Variants in HNF4A observed in about 807,000 individuals in gnomAD.
HNF4A encodes hepatocyte nuclear factor 4-alpha.
HNF4A carries 15 observed loss-of-function variants against 52.4 expected under a neutral mutation model. The observed-to-expected ratio is 0.29, with a 90% CI of 0.19 to 0.44. The LOEUF is 0.44. Ranked by LOEUF, HNF4A falls within the 20% of genes least tolerant of loss-of-function variation. The probability of loss-of-function intolerance (pLI) is 1.00; values close to 1 mark genes in which losing one functional copy is unlikely to be tolerated. For synonymous variants in HNF4A, 280 were observed against 264.4 expected (o/e 1.06, Z -0.57); for missense variants, 479 against 647.2 (o/e 0.74, Z 2.82).
At chr20:44,402,567 T>C in intron 1 of HNF4A, 1 of 1,365,592 alleles carries the variant, frequency 7.3e-7, no homozygotes, top group Non-Finnish European at 9.8e-7. Flanking sequence ...TTGTTGCCGC[T>C]GCGTCTCGCC....
At chr20:44,384,684 AACATGGTC>A (rs1963979504) in intron 1 of HNF4A, 1 of 152,224 alleles carries the variant, frequency 6.6e-6, no homozygotes, top group African/African-American at 2.4e-5. Flanking sequence ...TGAAACAAGT[AACATGGTC>A]ACATCTCATT....
chr20:44,363,431 C>T (rs760395093), intron 1 of HNF4A, among the ~76,000 whole-genome samples: 2 of 152,062 alleles, frequency 1.3e-5, no homozygotes, highest in Non-Finnish European at 2.9e-5. Context: ...GATAACTGGT[C>T]CCAGGATGCA....
intron 3 of HNF4A, among the ~76,000 whole-genome samples, chr20:44,412,746 C>T (rs920755470): frequency 2.0e-5 from 3 of 152,032 alleles, no homozygotes; most frequent in Non-Finnish European, 2.9e-5. Flanking sequence ...GTCAGGATCA[C>T]GACAGCACTG....
intron 1 of HNF4A, among the ~76,000 whole-genome samples, chr20:44,376,761 T>G (rs1036836601): frequency 2.6e-5 from 4 of 152,220 alleles, no homozygotes; most frequent in African/African-American, 9.6e-5. Context: ...CGTGGCTATA[T>G]AAGCAAAGTA....
rs913235550 is a variant in HNF4A at position 44,431,110 on chromosome 20, T to A, written c.*1445T>A. Reference sequence around the variant, plus strand: ...GGTGAAGTGATTTTTTTTCTGAAACTCACACAACTAGGAAGTGGCTGAGTC... The same window carrying A: ...GGTGAAGTGATTTTTTTTCTGAAACACACACAACTAGGAAGTGGCTGAGTC... On this transcript the variant is annotated 3_prime_UTR_variant, in exon 10 of 10. Coordinates refer to ENST00000316099, the MANE Select transcript of HNF4A (RefSeq NM_000457.6). The A allele has an allele frequency of 7.0e-6, 1 of 143,044 alleles. No homozygotes were observed. Among genetic ancestry groups the A allele is most frequent in the Non-Finnish European group, 1.5e-5 (1 of 65,170 alleles). The allele number at this position is 143,044 out of a possible 1,614,324, so 8.9% of individuals were successfully genotyped here.
chr20:44,405,038 G>A (rs1272854560), intron 1 of HNF4A, among the ~76,000 whole-genome samples: 1 of 106,972 alleles, frequency 9.3e-6, no homozygotes, highest in Non-Finnish European at 1.9e-5. Context: ...TGGTGCGTGT[G>A]TGTGCTTGTG....
At chr20:44,408,871 C>T (rs2063541487) in intron 3 of HNF4A, among the ~76,000 whole-genome samples, 1 of 152,116 alleles carries the variant, frequency 6.6e-6, no homozygotes, top group Non-Finnish European at 1.5e-5. Context: ...TGGTCTAGTC[C>T]TGCTAGTTCG....
At chr20:44,368,160 ATT>A (rs1181828023) in intron 1 of HNF4A, among the ~76,000 whole-genome samples, 3 of 27,774 alleles carry the variant, frequency 1.1e-4, no homozygotes, top group African/African-American at 1.5e-4. Flanking sequence ...ATATATATAT[ATT>A]TTTTTTTTTT....
At chr20:44,389,332 A>C (rs2063273564) in intron 1 of HNF4A, among the ~76,000 whole-genome samples, 1 of 152,196 alleles carries the variant, frequency 6.6e-6, no homozygotes, top group African/African-American at 2.4e-5. Flanking sequence ...TCTGTGAGGG[A>C]GGGTGTAGGG....
Position 44,429,741 on chromosome 20 carries a change from G to A in HNF4A, c.*76G>A, listed in dbSNP as rs11574743. ...GAGCACCTGGTGATCACGTGGTCAC[G>A]GCAAAGGAAGACGTGATGCCAGGAC... On this transcript the variant is annotated 3_prime_UTR_variant, in exon 10 of 10. Coordinates refer to ENST00000316099, the MANE Select transcript of HNF4A (RefSeq NM_000457.6). 417 of 1,452,424 alleles carry A rather than the reference G, an allele frequency of 2.9e-4. 1 individual carries two copies. The African/African-American group carries it at 4.7e-3, about 17-fold the overall frequency. The allele number at this position is 1,452,424 out of a possible 1,614,324, so 90.0% of individuals were successfully genotyped here.
intron 1 of HNF4A, among the ~76,000 whole-genome samples, chr20:44,405,057 G>GTGTGGTGCGTGTGTGTGGAC (rs2063478940): frequency 1.4e-4 from 14 of 103,596 alleles, no homozygotes; most frequent in African/African-American, 4.3e-4. Flanking sequence ...TGTGTGGACT[G>GTGTGGTGCGTGTGTGTGGAC]TGTGGTGCGT....
chr20:44,368,160 A>ATATATATATTTTTT (rs1200638153), intron 1 of HNF4A, among the ~76,000 whole-genome samples: 4 of 27,778 alleles, frequency 1.4e-4, no homozygotes, highest in African/African-American at 2.9e-4. Flanking sequence ...ATATATATAT[A>ATATATATATTTTTT]TTTTTTTTTT....
chr20:44,428,894 C>G (rs1324777517), intron 9 of HNF4A, among the ~76,000 whole-genome samples: 1 of 152,190 alleles, frequency 6.6e-6, no homozygotes, highest in Non-Finnish European at 1.5e-5. Flanking sequence ...TCCTCTGAAA[C>G]CTCCAAAGTA....
chr20:44,371,317 G>A (rs746934831), intron 1 of HNF4A, among the ~76,000 whole-genome samples: 26 of 152,202 alleles, frequency 1.7e-4, no homozygotes, highest in Non-Finnish European at 3.1e-4. Flanking sequence ...CAATCTTGTC[G>A]CCGAGGCTGG....
chr20:44,371,955 T>C (rs1166747290), intron 1 of HNF4A, among the ~76,000 whole-genome samples: 1 of 152,210 alleles, frequency 6.6e-6, no homozygotes, highest in Non-Finnish European at 1.5e-5. Context: ...TTTGCCGTAG[T>C]CCCCACTATT....
rs968067798 is a variant in HNF4A at position 44,431,345 on chromosome 20, T to G, written c.*1680T>G. On this transcript the variant is annotated 3_prime_UTR_variant, in exon 10 of 10. Transcript: ENST00000316099. ...GGCCTGAGGCTGCACTAAAATTCAC[T>G]TAGGGTCGAGCATCCTGTTTGCTGA... The G allele has an allele frequency of 6.6e-6, 1 of 152,334 alleles. No individual in the cohort carries two copies. Among genetic ancestry groups the G allele is most frequent in the Non-Finnish European group, 1.5e-5 (1 of 68,050 alleles). 9.4% of individuals were successfully genotyped at this position (152,334 alleles called of 1,614,324 possible). A position where few individuals can be genotyped will look rare whatever the true frequency, so the allele number is the denominator to read the frequency against.
chr20:44,403,743 A>G (rs1009683251), intron 1 of HNF4A, among the ~76,000 whole-genome samples: 2 of 152,108 alleles, frequency 1.3e-5, no homozygotes, highest in Admixed American at 1.3e-4. Context: ...GCTCTGCTTC[A>G]CGGGAAGCAG....
At chr20:44,377,461 C>T (rs1033816765) in intron 1 of HNF4A, among the ~76,000 whole-genome samples, 3 of 152,090 alleles carry the variant, frequency 2.0e-5, no homozygotes, top group Non-Finnish European at 4.4e-5. Flanking sequence ...ACGGGCCAGG[C>T]AATGTTTAAA....
chr20:44,419,640 T>C, intron 6 of HNF4A, 81 bp from the exon 7 acceptor site: 7 of 1,364,496 alleles, frequency 5.1e-6, no homozygotes, highest in Non-Finnish European at 7.3e-6. Flanking sequence ...CCAGCTATCT[T>C]GCCAACTTAA....
Sources: allele counts gnomAD v4.1 joint callset (sites outside exome capture counted in the v4.1 genomes callset), GRCh38; gene constraint gnomAD v4.1.1; transcripts MANE v1.5; gene names NCBI Gene and HGNC (gene_info 2026-07-23, HGNC 2026-07-21).